The following RYR1 variants were observed in gnomAD, a reference collection of about 807,000 sequenced individuals.
RYR1 encodes ryanodine receptor 1.
RYR1 carries 342 observed loss-of-function variants against 583.5 expected under a neutral mutation model. That is an observed-to-expected ratio of 0.59 (90% CI 0.54 to 0.64). RYR1 has a LOEUF of 0.64. Ranked by LOEUF, RYR1 falls within the 30% of genes least tolerant of loss-of-function variation. The pLI is 0.00. For missense variants in RYR1, 6,032 were observed against 6,917.2 expected (o/e 0.87, Z 4.54); for synonymous variants, 2,791 against 2,822.5 (o/e 0.99, Z 0.35).
chr19:38,535,030 C>G, intron 79 of RYR1, 111 bp from the exon 80 acceptor site: 5 of 1,180,000 alleles, frequency 4.2e-6, no homozygotes, highest in Non-Finnish European at 4.9e-6. Flanking sequence ...CACACCTTGG[C>G]ACACTCTTAA....
chr19:38,463,599 C>T (rs954488040), intron 21 of RYR1, 72 bp downstream of exon 21: 25 of 1,525,080 alleles, frequency 1.6e-5, no homozygotes, highest in Admixed American at 5.0e-5. Flanking sequence ...GGCTCACCGG[C>T]GGAGAGGAGG....
chr19:38,492,418 ATAAATGAGTGTG>A, intron 37 of RYR1, 60 bp from the exon 38 acceptor site: 1 of 1,566,800 alleles, frequency 6.4e-7, no homozygotes, highest in South Asian at 1.1e-5. Flanking sequence ...ATATGCACAA[ATAAATGAGTGTG>A]TAAGCAGGTG....
At chr19:38,469,244 C>T in intron 26 of RYR1, 61 bp from the exon 27 acceptor site, 1 of 1,606,546 alleles carries the variant, frequency 6.2e-7, no homozygotes, top group Non-Finnish European at 8.5e-7. Context: ...ACCTCCTCCC[C>T]TCGGCTCCCT....
chr19:38,446,577 G>A lies in RYR1; in HGVS notation c.725+12G>A, dbSNP rs2145351333. 6 of 1,612,308 alleles carry A rather than the reference G, an allele frequency of 3.7e-6. No individual in the cohort carries two copies. Among genetic ancestry groups the A allele is most frequent in the Non-Finnish European group, 4.2e-6 (5 of 1,178,284 alleles). ...GATGACCAGCGCAGGTCTGGGCTGT[G>A]GACGAGAGGGCCTGGGGTCTAGGGG... On this transcript the variant is annotated intron_variant, in intron 8 of 105. Coordinates refer to ENST00000359596, the MANE Select transcript of RYR1 (RefSeq NM_000540.3).
At position 38,587,553 on chromosome 19, in the gene RYR1, C is replaced by T. The variant is rs1305202098; in HGVS notation, c.*133C>T. 11 of 776,252 alleles carry T rather than the reference C, an allele frequency of 1.4e-5. No individual in the cohort carries two copies. Among genetic ancestry groups the T allele is most frequent in the East Asian group, 5.3e-5 (2 of 38,088 alleles). The allele number at this position is 776,252 out of a possible 1,614,324, so 48.1% of individuals were successfully genotyped here. On this transcript the variant is annotated 3_prime_UTR_variant, in exon 106 of 106. Transcript: ENST00000359596. Reference sequence around the variant, plus strand: ...AGTACTGGAAAATAAATCTGTGCTACGCCCCCCAGCATCACTGTGTTGGCC... The same window carrying T: ...AGTACTGGAAAATAAATCTGTGCTATGCCCCCCAGCATCACTGTGTTGGCC...
chr19:38,463,555 G>T, intron 21 of RYR1, 28 bp downstream of exon 21: 1 of 1,601,950 alleles, frequency 6.2e-7, no homozygotes, highest in Non-Finnish European at 8.5e-7. Context: ...GCCTGCGGGA[G>T]GCCGGCTAGA....
intron 65 of RYR1, 83 bp from the exon 66 acceptor site, chr19:38,517,276 T>C: frequency 7.3e-7 from 1 of 1,361,542 alleles, no homozygotes; most frequent in African/African-American, 1.4e-5. Context: ...TTCAATGGTG[T>C]CTGATGTATT....
At chr19:38,445,922 G>A (rs1366855579) in intron 7 of RYR1, among the ~76,000 whole-genome samples, 1 of 152,074 alleles carries the variant, frequency 6.6e-6, no homozygotes, top group African/African-American at 2.4e-5. Context: ...GGGAGGCAGA[G>A]GTTGCAGTGA....
rs1245420370 is a variant in RYR1, at chr19:38,483,269, T to C, written c.4708-21T>C. The C allele has an allele frequency of 7.7e-6, 12 of 1,563,376 alleles. No individual in the cohort carries two copies. The highest frequency in any genetic ancestry group is 1.7e-4 in the Middle Eastern group (1 of 6,004). On this transcript the variant is annotated intron_variant, in intron 32 of 105. Transcript: ENST00000359596. The surrounding 1 kb of genome is among the most constrained non-coding windows in gnomAD (Gnocchi z 6.3). ...AGAGGGGGCTGGCCATCTTGACCCA[T>C]GTGTGTCTCTCTGCCCTCAGAACAT...
Position 38,530,004 on chromosome 19 carries a change from G to A in RYR1, c.11141+947G>A, listed in dbSNP as rs1039470665. 6.6e-5 allele frequency among the ~76,000 whole-genome samples: 10 copies of A among 152,192 alleles called. 1 individual carries two copies. Among genetic ancestry groups the A allele is most frequent in the African/African-American group, 2.4e-4 (10 of 41,510 alleles). On this transcript the variant is annotated intron_variant, in intron 76 of 105. Transcript: ENST00000359596. ...TATTTATTTATTTATTTTTGAGATG[G>A]AGTCTCGCTCTGTCACCCAGGCTGG...
intron 49 of RYR1, 28 bp from the exon 50 acceptor site, chr19:38,504,192 T>G (rs1411869056): frequency 6.3e-7 from 1 of 1,597,832 alleles, no homozygotes; most frequent in Admixed American, 1.8e-5. Flanking sequence ...CCCCCTCATT[T>G]GTGTGTCCCC....
Position 38,452,849 on chromosome 19 carries a change from G to C in RYR1, c.1275G>C (p.Arg425=), listed in dbSNP as rs1488129403. The C allele has an allele frequency of 1.2e-6, 2 of 1,604,624 alleles. No individual in the cohort carries two copies. The highest frequency in any genetic ancestry group is 2.7e-5 in the African/African-American group (2 of 74,812). Residue 425 remains arginine (R), a synonymous_variant, in exon 13 of 106, where the codon CGG becomes CGC. Transcript: ENST00000359596. ...KSLDSFSGKP[R]GSGPPAGTAL... ...TGGACAGCTTCAGCGGGAAGCCACG[G>C]GGCTCGGGGCCACCCGCTGGCACGG...
In RYR1 at chr19:38,539,323, C is replaced by T. The variant is rs140460332; in HGVS notation, c.11689+1363C>T. On this transcript the variant is annotated intron_variant, in intron 84 of 105. Coordinates refer to ENST00000359596, the MANE Select transcript of RYR1 (RefSeq NM_000540.3). ...TGGTGTGATCACAGCTCGCTGCAAC[C>T]TCTGCCTCCTGGGCTCAAGTAATCC... 4.3e-3 allele frequency among the ~76,000 whole-genome samples: 643 copies of T among 150,972 alleles called. 5 individuals carry two copies. Among genetic ancestry groups the T allele is most frequent in the African/African-American group, 0.015 (606 of 41,062 alleles).
rs1197507602 is a variant in RYR1 at position 38,508,053 on chromosome 19, C to T, written c.8932+226C>T. 6.6e-6 allele frequency among the ~76,000 whole-genome samples: 1 copy of T among 152,074 alleles called. No individual in the cohort carries two copies. On this transcript the variant is annotated intron_variant, in intron 58 of 105. Coordinates refer to ENST00000359596, the MANE Select transcript of RYR1 (RefSeq NM_000540.3). ...CAACTACTCCTATGTTGGATTCAGG[C>T]AATTAGCATCATAAATAACTAAATC...
rs1971131029 is a variant in RYR1, at chr19:38,519,567, C to T, written c.10259+113C>T. 3.2e-6 allele frequency: 4 copies of T among 1,244,584 alleles called. No homozygotes were observed. In the East Asian group the frequency reaches 1.0e-4, roughly 32 times the overall value. 77.1% of individuals were successfully genotyped at this position (1,244,584 alleles called of 1,614,324 possible). ...GAAACTTCTTCCAATGCTCTGGCCC[C>T]ACCAACCTTCTGACTCTTCCTCCTG... On this transcript the variant is annotated intron_variant, in intron 67 of 105. Coordinates refer to ENST00000359596, the MANE Select transcript of RYR1 (RefSeq NM_000540.3).
rs148907377 is a variant in RYR1 at position 38,502,922 on chromosome 19, G to C, written c.7878G>C (p.Leu2626=). ...TGCTGCAGCACCTGTTGCGCCGCCT[G>C]GTGTTCGACGTGCCCATCCTCAACG... ...PSMLQHLLRR[L]VFDVPILNEF... The change falls in exon 49 of 106, where the codon CTG becomes CTC. Residue 2626 remains leucine (L), a synonymous_variant. Coordinates refer to ENST00000359596, the MANE Select transcript of RYR1 (RefSeq NM_000540.3). 328 of 1,611,554 alleles carry C rather than the reference G, an allele frequency of 2.0e-4. No homozygotes were observed. Among genetic ancestry groups the C allele is most frequent in the Non-Finnish European group, 2.6e-4 (311 of 1,179,996 alleles).
At chr19:38,465,995 G>T in intron 23 of RYR1, 96 bp from the exon 24 acceptor site, 1 of 1,209,500 alleles carries the variant, frequency 8.3e-7, no homozygotes, top group South Asian at 1.3e-5. Flanking sequence ...AAACGCCGAA[G>T]CTGGGACAAG....
chr19:38,484,394 C>T (rs1483306605), intron 33 of RYR1, among the ~76,000 whole-genome samples: 2 of 151,110 alleles, frequency 1.3e-5, no homozygotes, highest in South Asian at 2.1e-4. Flanking sequence ...CTCCTTCCCT[C>T]TCTCCTTCCC....
rs769495426 is a variant in RYR1 at position 38,523,941 on chromosome 19, A to G, written c.10455+12A>G. On this transcript the variant is annotated intron_variant, in intron 70 of 105. Coordinates refer to ENST00000359596, the MANE Select transcript of RYR1 (RefSeq NM_000540.3). ...CGGGAGATATACAGGTCAGCCCCAC[A>G]TCTGGGACCTTCCGCATGTCTCTTG... 20 of 1,613,570 alleles carry G rather than the reference A, an allele frequency of 1.2e-5. No individual in the cohort carries two copies. Among genetic ancestry groups the G allele is most frequent in the Non-Finnish European group, 1.4e-5 (17 of 1,179,898 alleles).
Sources: gnomAD v4.1 joint callset for allele counts (sites outside exome capture counted in the v4.1 genomes callset) on GRCh38, gnomAD v4.1.1 for gene constraint, Gnocchi (gnomAD v3.1) non-coding constraint, MANE v1.5 for transcripts, NCBI Gene and HGNC (gene_info 2026-07-23, HGNC 2026-07-21) for gene names.